ZNRF1: variants seen among roughly 807,000 people sequenced by gnomAD.
ZNRF1 encodes zinc and ring finger 1.
Under a neutral mutation model 18.4 loss-of-function variants are expected in ZNRF1, and 3 were observed. That is an observed-to-expected ratio of 0.16 (90% CI 0.07 to 0.42). The LOEUF (loss-of-function observed/expected upper bound fraction) is 0.42. Ranked by LOEUF, ZNRF1 falls within the 10% of genes least tolerant of loss-of-function variation. ZNRF1 has a pLI of 0.99. For synonymous variants in ZNRF1, 157 were observed against 144.2 expected (o/e 1.09, Z -0.64); for missense variants, 310 against 329.8 (o/e 0.94, Z 0.47).
chr16:75,071,064 C>G (rs543660290), intron 1 of ZNRF1, among the ~76,000 whole-genome samples: 123 of 150,788 alleles, frequency 8.2e-4, no homozygotes, highest in Non-Finnish European at 1.5e-3. Flanking sequence ...TGTCTGGGAC[C>G]TCAGCTGAAA....
At chr16:75,069,798 T>G (rs1479564278) in intron 1 of ZNRF1, among the ~76,000 whole-genome samples, 4 of 152,194 alleles carry the variant, frequency 2.6e-5, no homozygotes, top group Non-Finnish European at 5.9e-5. Flanking sequence ...TCACACCAGA[T>G]AAACCAGCTA....
rs369040094 is a variant in ZNRF1 at position 75,093,714 on chromosome 16, G to A, written c.520+47G>A. 16 of 1,505,004 alleles carry A rather than the reference G, an allele frequency of 1.1e-5. No homozygotes were observed. In the African/African-American group the frequency reaches 1.4e-4, roughly 13 times the overall value. The allele number at this position is 1,505,004 out of a possible 1,614,324, so 93.2% of individuals were successfully genotyped here. On this transcript the variant is annotated intron_variant, in intron 2 of 4. Transcript: ENST00000335325. ...CCAGCCTCCAGAGCATCCGTCGGGG[G>A]AGCCGGCCAGTCCTTGTGGGAGCCT...
chr16:75,035,857 G>T (rs1426148702), intron 1 of ZNRF1, among the ~76,000 whole-genome samples: 1 of 152,188 alleles, frequency 6.6e-6, no homozygotes, highest in Non-Finnish European at 1.5e-5. Context: ...CCTAGAGAAA[G>T]GTCATAAACT....
At chr16:75,092,198 GT>G (rs991306607) in intron 1 of ZNRF1, among the ~76,000 whole-genome samples, 1 of 151,732 alleles carries the variant, frequency 6.6e-6, no homozygotes, top group African/African-American at 2.4e-5. Context: ...AATATATTTA[GT>G]GTTCGTTAAG....
At chr16:75,052,931 G>A (rs1345339937) in intron 1 of ZNRF1, among the ~76,000 whole-genome samples, 1 of 152,200 alleles carries the variant, frequency 6.6e-6, no homozygotes, top group East Asian at 1.9e-4. Flanking sequence ...GGCAACCCAT[G>A]TGAAAATGAG....
intron 2 of ZNRF1, chr16:75,104,512 C>A (rs540152364): frequency 9.3e-5 from 28 of 300,094 alleles, no homozygotes; most frequent in Non-Finnish European, 1.7e-4. Context: ...TTCTCCAAGC[C>A]TTTTTCGTCC....
At chr16:75,022,022 A>C (rs1485182537) in intron 1 of ZNRF1, among the ~76,000 whole-genome samples, 1 of 151,932 alleles carries the variant, frequency 6.6e-6, no homozygotes, top group Admixed American at 6.6e-5. Flanking sequence ...ATGCTTTACT[A>C]TGGGTAATTC....
intron 1 of ZNRF1, among the ~76,000 whole-genome samples, chr16:75,088,550 G>T (rs1246328938): frequency 6.6e-6 from 1 of 152,186 alleles, no homozygotes; most frequent in African/African-American, 2.4e-5. Flanking sequence ...TGAGTATTTG[G>T]TAATAGCTGG....
chr16:75,077,039 C>G (rs1462864784), intron 1 of ZNRF1, among the ~76,000 whole-genome samples: 1 of 152,134 alleles, frequency 6.6e-6, no homozygotes, highest in East Asian at 1.9e-4. Context: ...CTCAAACTGA[C>G]TAAGATATCC....
Position 74,999,941 on chromosome 16 carries a change from G to A in ZNRF1, c.270G>A (p.Gly90=). The change falls in exon 1 of 5, where the codon GGG becomes GGA. Residue 90 remains glycine (G), a synonymous_variant. Coordinates refer to ENST00000335325, the MANE Select transcript of ZNRF1 (RefSeq NM_032268.5). Reference sequence around the variant, plus strand: ...CCGAGAGGGCGCCCGGCGGCGGAGGGTCTGCGTCCGACTCCACCTATGCCC... The same window carrying A: ...CCGAGAGGGCGCCCGGCGGCGGAGGATCTGCGTCCGACTCCACCTATGCCC... ...GDSERAPGGG[G]SASDSTYAHG... 6.4e-7 allele frequency: 1 copy of A among 1,569,066 alleles called. No homozygotes were observed. The highest frequency in any genetic ancestry group is 1.7e-4 in the Middle Eastern group (1 of 6,010).
At chr16:75,089,664 G>A (rs1040701232) in intron 1 of ZNRF1, among the ~76,000 whole-genome samples, 4 of 152,194 alleles carry the variant, frequency 2.6e-5, no homozygotes, top group South Asian at 2.1e-4. Flanking sequence ...TCAGTTGTGT[G>A]ACAGTGTGCT....
chr16:75,007,921 A>G (rs1352880697), intron 1 of ZNRF1, among the ~76,000 whole-genome samples: 1 of 152,074 alleles, frequency 6.6e-6, no homozygotes. Context: ...GCTGGAGTGC[A>G]ATAGCAAGAT....
chr16:75,006,827 T>C (rs1050617233), intron 1 of ZNRF1, among the ~76,000 whole-genome samples: 13 of 152,184 alleles, frequency 8.5e-5, no homozygotes, highest in African/African-American at 3.1e-4. Context: ...AGATGGTTCA[T>C]AGTAATTACC....
intron 1 of ZNRF1, chr16:75,000,424 T>C (rs1202567257): frequency 9.8e-6 from 5 of 509,706 alleles, no homozygotes; most frequent in Middle Eastern, 2.9e-4. Context: ...GCCTGGGTAC[T>C]TCCATTCTGC....
chr16:75,014,405 A>G (rs2035039666), intron 1 of ZNRF1, among the ~76,000 whole-genome samples: 1 of 152,144 alleles, frequency 6.6e-6, no homozygotes, highest in African/African-American at 2.4e-5. Flanking sequence ...AAGGAGAAAG[A>G]TATTATGAGG....
chr16:75,068,461 T>C (rs1256576499), intron 1 of ZNRF1, among the ~76,000 whole-genome samples: 1 of 152,100 alleles, frequency 6.6e-6, no homozygotes, highest in Non-Finnish European at 1.5e-5. Flanking sequence ...CCAATCCCTT[T>C]CTCCCACAGC....
At position 75,093,423 on chromosome 16, in the gene ZNRF1, C is replaced by CT. The variant is rs1318019935; in HGVS notation, c.425-147dup. On this transcript the variant is annotated intron_variant, in intron 1 of 4. Coordinates refer to ENST00000335325, the MANE Select transcript of ZNRF1 (RefSeq NM_032268.5). ...AAAAAGGCAGATGCTCAAATGAGTC[C>CT]TTGAAGGAGGACAGGTCCAGGGTCT... 3.8e-5 allele frequency: 21 copies of CT among 548,102 alleles called. No individual in the cohort carries two copies. In the South Asian group the frequency reaches 4.1e-4, roughly 11 times the overall value. The allele number at this position is 548,102 out of a possible 1,614,324, so 34.0% of individuals were successfully genotyped here.
At chr16:75,033,437 G>GTTTTTTTTTTTTTTTTTTTTTTTTT (rs55813752) in intron 1 of ZNRF1, among the ~76,000 whole-genome samples, 1 of 98,170 alleles carries the variant, frequency 1.0e-5, no homozygotes. Context: ...GTGTTTTATA[G>GTTTTTTTTTTTTTTTTTTTTTTTTT]TTTTTTTTTT....
intron 1 of ZNRF1, among the ~76,000 whole-genome samples, chr16:75,031,613 C>T (rs551828280): frequency 6.6e-6 from 1 of 151,994 alleles, no homozygotes; most frequent in Admixed American, 6.6e-5. Context: ...CTCGAGTGAT[C>T]CTCCCACCTC....
Sources: gnomAD v4.1 joint callset for allele counts (sites outside exome capture counted in the v4.1 genomes callset) on GRCh38, gnomAD v4.1.1 for gene constraint, MANE v1.5 for transcripts, NCBI Gene and HGNC (gene_info 2026-07-23, HGNC 2026-07-21) for gene names.